Variants in EGFL6 observed in about 807,000 individuals in gnomAD.
EGFL6 encodes the protein epidermal growth factor-like protein 6.
EGFL6 carries 42 observed loss-of-function variants against 43.1 expected under a neutral mutation model. The ratio of observed to expected loss-of-function variants is 0.98; its 90% CI spans 0.76 to 1.26. EGFL6 has a LOEUF of 1.26. Ranked by LOEUF, EGFL6 falls within the 50% of genes most tolerant of loss-of-function variation. EGFL6 has a pLI of 0.00. For missense variants in EGFL6, 429 were observed against 427.8 expected, an observed-to-expected ratio of 1.00 and a Z score of -0.02; for synonymous variants, 164 against 163.2, an observed-to-expected ratio of 1.01 and a Z score of -0.04.
Position 13,591,791 on chromosome X carries a change from C to T in EGFL6, c.187+2123C>T, listed in dbSNP as rs181078638. Among the ~76,000 whole-genome samples, 31 of 111,218 alleles carry T rather than the reference C, an allele frequency of 2.8e-4. 1 individual carries two copies. The Admixed American group carries it at 2.9e-3, about 10-fold the overall frequency. ...ATGTATCCTGGAGCCTTCTAGCTCTCAGCCTCTACCCTGTCTAAATCTCCT... is the reference window on the plus strand; with the variant it reads ...ATGTATCCTGGAGCCTTCTAGCTCTTAGCCTCTACCCTGTCTAAATCTCCT... On this transcript the variant is annotated intron_variant, in intron 2 of 11. Coordinates refer to ENST00000361306, the MANE Select transcript of EGFL6 (RefSeq NM_015507.4).
intron 5 of EGFL6, among the ~76,000 whole-genome samples, chrX:13,604,832 T>C (rs1018872759): frequency 8.9e-6 from 1 of 112,194 alleles, no homozygotes; most frequent in Non-Finnish European, 1.9e-5. Flanking sequence ...TATGATTTCA[T>C]AATCTTCTTC....
intron 9 of EGFL6, among the ~76,000 whole-genome samples, chrX:13,622,738 T>A (rs1398779411): frequency 2.7e-5 from 3 of 112,580 alleles, no homozygotes; most frequent in Non-Finnish European, 5.6e-5. Context: ...TGATGTTATG[T>A]GAATGAATGG....
chrX:13,589,547 T>G lies in EGFL6; in HGVS notation c.75-9T>G. On this transcript the variant is annotated splice_polypyrimidine_tract_variant and intron_variant, in intron 1 of 11. Transcript: ENST00000361306. The stretch of plus-strand genomic sequence containing the variant: ...TTCTCAATACTAACATGTAGTTCTT[T>G]ATCTGCAGTGCAAGGCATCACGGGT... The G allele has an allele frequency of 8.3e-7, 1 of 1,198,642 alleles. No individual in the cohort carries two copies. The highest frequency in any genetic ancestry group is 1.1e-6 in the Non-Finnish European group (1 of 886,558).
intron 3 of EGFL6, among the ~76,000 whole-genome samples, chrX:13,595,290 T>C (rs911499839): frequency 2.7e-5 from 3 of 112,192 alleles, no homozygotes; most frequent in East Asian, 5.5e-4. Flanking sequence ...GTATTATAAG[T>C]ATATTTTTAT....
intron 8 of EGFL6, among the ~76,000 whole-genome samples, chrX:13,618,900 AC>A (rs1389378848): frequency 4.7e-5 from 5 of 105,579 alleles, no homozygotes; most frequent in Non-Finnish European, 9.8e-5. Context: ...AAAAAAAAAA[AC>A]ATATTTCCAA....
intron 5 of EGFL6, among the ~76,000 whole-genome samples, chrX:13,605,977 T>C (rs2045658035): frequency 8.9e-6 from 1 of 112,137 alleles, no homozygotes; most frequent in Non-Finnish European, 1.9e-5. Flanking sequence ...AGTATAGCTA[T>C]CTGACTCTAG....
At chrX:13,593,708 G>C (rs2045579695) in intron 2 of EGFL6, among the ~76,000 whole-genome samples, 1 of 112,106 alleles carries the variant, frequency 8.9e-6, no homozygotes, top group African/African-American at 3.2e-5. Context: ...TTCAATGAAT[G>C]AGTTGGTGGT....
chrX:13,581,751 C>T (rs769180122), intron 1 of EGFL6, among the ~76,000 whole-genome samples: 2 of 111,964 alleles, frequency 1.8e-5, no homozygotes, highest in Admixed American at 9.5e-5. Context: ...GCTGTGGAGA[C>T]GGCGATTTTC....
At chrX:13,594,785 A>G (rs1460788447) in intron 2 of EGFL6, 51 bp from the exon 3 acceptor site, 2 of 1,131,416 alleles carry the variant, frequency 1.8e-6, no homozygotes, top group Non-Finnish European at 2.4e-6. Flanking sequence ...CGTGCATTTC[A>G]CTACACTAAC....
rs2045785033 is a variant in EGFL6, at chrX:13,627,097, C to A, written c.1372C>A (p.Pro458Thr). The A allele has an allele frequency of 8.3e-7, 1 of 1,212,071 alleles. No individual in the cohort carries two copies. Among genetic ancestry groups the A allele is most frequent in the Non-Finnish European group, 1.1e-6 (1 of 895,622 alleles). ...RLKLLLPDLQ[P>T]QSNFCLLFDY... ...GAAACTTCTCCTACCTGACCTGCAA[C>A]CCCAAAGCAACTTCTGTTTGCTCTT... Residue 458 changes from proline to threonine, a missense_variant, in exon 11 of 12, where the codon CCC (proline) becomes ACC (threonine). By Grantham distance (38) the Pro-to-Thr change is conservative. Transcript: ENST00000361306.
chrX:13,618,373 T>A (rs915672480), intron 8 of EGFL6, among the ~76,000 whole-genome samples: 2 of 112,550 alleles, frequency 1.8e-5, no homozygotes, highest in Non-Finnish European at 3.8e-5. Flanking sequence ...GCTGCCCAGC[T>A]CTCCATGAGG....
In EGFL6 at chrX:13,598,558, A is replaced by AGTTGTT. The variant is rs72060307; in HGVS notation, c.281-1389_281-1384dup. ...TTAATAAAAATGTTACTTATTCTTAAGTTGTTGTTGTTGTTGTTGTTGTTG... is the reference window on the plus strand; with the variant it reads ...TTAATAAAAATGTTACTTATTCTTAAGTTGTTGTTGTTGTTGTTGTTGTTGTTGTTG... On this transcript the variant is annotated intron_variant, in intron 3 of 11. Coordinates refer to ENST00000361306, the MANE Select transcript of EGFL6 (RefSeq NM_015507.4). Among the ~76,000 whole-genome samples, 333 of 104,858 alleles carry AGTTGTT rather than the reference A, an allele frequency of 3.2e-3. 2 individuals carry two copies. Among genetic ancestry groups the AGTTGTT allele is most frequent in the African/African-American group, 0.011 (308 of 28,856 alleles). 91.1% of individuals were successfully genotyped at this position (104,858 alleles called of 115,157 possible).
At chrX:13,627,809 A>G (rs969618798) in intron 11 of EGFL6, among the ~76,000 whole-genome samples, 1 of 111,886 alleles carries the variant, frequency 8.9e-6, no homozygotes, top group African/African-American at 3.2e-5. Flanking sequence ...GGGAAAAGAC[A>G]CGTAGGGCAG....
chrX:13,608,264 G>A, intron 6 of EGFL6, 60 bp from the exon 7 acceptor site: 1 of 1,189,846 alleles, frequency 8.4e-7, no homozygotes, highest in Admixed American at 2.2e-5. Context: ...TCAAGTGTAA[G>A]GGTGAGTCTT....
chrX:13,598,843 T>C (rs1219015204), intron 3 of EGFL6, among the ~76,000 whole-genome samples: 1 of 88,572 alleles, frequency 1.1e-5, no homozygotes, highest in Non-Finnish European at 2.1e-5. Flanking sequence ...ATTTCATATA[T>C]ATAATTCACA....
At chrX:13,604,297 G>T (rs779369577) in intron 5 of EGFL6, among the ~76,000 whole-genome samples, 5 of 111,573 alleles carry the variant, frequency 4.5e-5, no homozygotes, top group Non-Finnish European at 9.4e-5. Flanking sequence ...GGAAAGGAAG[G>T]CACCAGTGTT....
chrX:13,582,097 C>G (rs1219768987), intron 1 of EGFL6, among the ~76,000 whole-genome samples: 2 of 107,190 alleles, frequency 1.9e-5, no homozygotes, highest in African/African-American at 6.8e-5. Context: ...GAGTCTCACT[C>G]TGTTGCCCAG....
Position 13,601,491 on chromosome X carries a change from C to T in EGFL6, c.400+1397C>T, listed in dbSNP as rs764654957. Among the ~76,000 whole-genome samples, 3 of 111,316 alleles carry T rather than the reference C, an allele frequency of 2.7e-5. No homozygotes were observed. The South Asian group carries it at 1.1e-3, about 43-fold the overall frequency. ...ATCTTTCTTTCCTCTGCCTTGCAGCCCCCAACAAACCCAGAGCCTGTGCCT... is the reference window on the plus strand; with the variant it reads ...ATCTTTCTTTCCTCTGCCTTGCAGCTCCCAACAAACCCAGAGCCTGTGCCT... On this transcript the variant is annotated intron_variant, in intron 4 of 11. Transcript: ENST00000361306.
intron 1 of EGFL6, among the ~76,000 whole-genome samples, chrX:13,572,564 C>T (rs1162127999): frequency 8.9e-6 from 1 of 111,876 alleles, no homozygotes; most frequent in Non-Finnish European, 1.9e-5. Context: ...GATCTTTTTG[C>T]CTTGAGTACC....
Sources: allele counts gnomAD v4.1 joint callset (sites outside exome capture counted in the v4.1 genomes callset), GRCh38; gene constraint gnomAD v4.1.1; transcripts MANE v1.5; gene names NCBI Gene and HGNC (gene_info 2026-07-23, HGNC 2026-07-21).